PRSS23: variants seen among roughly 807,000 people sequenced by gnomAD.
The protein encoded by PRSS23 is protease, serine 23.
A neutral mutation model predicts 34.7 loss-of-function variants in PRSS23; 25 were observed. The ratio of observed to expected loss-of-function variants is 0.72; its 90% CI spans 0.53 to 1.01. PRSS23 has a LOEUF of 1.01. Among genes scored for constraint, PRSS23 ranks in the 50% least tolerant of loss-of-function variants. The pLI, the probability that PRSS23 is intolerant of heterozygous loss-of-function variation, is 0.00. For missense variants in PRSS23, 445 were observed against 475.6 expected, an observed-to-expected ratio of 0.94 and a Z score of 0.60; for synonymous variants, 176 against 186.6, an observed-to-expected ratio of 0.94 and a Z score of 0.46.
intron 2 of PRSS23, among the ~76,000 whole-genome samples, chr11:86,825,780 CAG>C (rs1948295273): frequency 6.6e-6 from 1 of 151,026 alleles, no homozygotes; most frequent in Non-Finnish European, 1.5e-5. Context: ...TGTCAAAGAT[CAG>C]ATAGTTGTAG....
At chr11:86,829,166 C>T (rs1247273080) in intron 2 of PRSS23, among the ~76,000 whole-genome samples, 1 of 152,182 alleles carries the variant, frequency 6.6e-6, no homozygotes, top group Non-Finnish European at 1.5e-5. Flanking sequence ...CACATAGTCC[C>T]ATATTTCTTG....
chr11:86,881,878 G>A (rs1398178777), intron 2 of PRSS23, among the ~76,000 whole-genome samples: 2 of 151,830 alleles, frequency 1.3e-5, no homozygotes, highest in African/African-American at 4.8e-5. Context: ...TAATTTTTTG[G>A]CATATATATT....
chr11:86,870,046 T>C (rs1948674517), intron 2 of PRSS23, among the ~76,000 whole-genome samples: 2 of 152,046 alleles, frequency 1.3e-5, no homozygotes, highest in African/African-American at 2.4e-5. Flanking sequence ...AGGGAAAAAA[T>C]GAACAACCAG....
At chr11:86,812,616 C>T (rs1001112518), downstream of PRSS23, among the ~76,000 whole-genome samples, 8 of 151,288 alleles carry the variant, frequency 5.3e-5, no homozygotes, top group South Asian at 6.3e-4. Context: ...GCTGAAACCC[C>T]GTCACTACTA....
intron 2 of PRSS23, among the ~76,000 whole-genome samples, chr11:86,825,310 C>G (rs1478796945): frequency 6.6e-6 from 1 of 152,010 alleles, no homozygotes; most frequent in East Asian, 1.9e-4. Context: ...GTCCTTGGCC[C>G]ACTTTTTGAT....
chr11:86,911,432 C>T (rs955277035), intron 2 of PRSS23: 5 of 152,178 alleles, frequency 3.3e-5, no homozygotes, highest in South Asian at 2.1e-4. Flanking sequence ...ACATAGTACC[C>T]CAAAACTTCC....
At chr11:86,858,513 T>C (rs150471109) in intron 2 of PRSS23, among the ~76,000 whole-genome samples, 1 of 151,898 alleles carries the variant, frequency 6.6e-6, no homozygotes, top group Admixed American at 6.6e-5. Flanking sequence ...CCTATGATAT[T>C]GTTCCTAATA....
Position 86,854,040 on chromosome 11 carries a change from G to A in PRSS23, c.206+30447G>A, listed in dbSNP as rs12281988. On this transcript the variant is annotated intron_variant, in intron 2 of 2. Coordinates refer to the PRSS23 transcript ENST00000533902. ...TTTTGAGTCGCAGTCTCACTCTGTC[G>A]CCCAGGCTGGAGTGCAGTGGCACGA... Among the ~76,000 whole-genome samples, 710 of 151,996 alleles carry A rather than the reference G, an allele frequency of 4.7e-3. 10 individuals carry two copies. The highest frequency in any genetic ancestry group is 0.017 in the African/African-American group (686 of 41,426).
chr11:86,952,289 T>C, exon 3 of PRSS23: 1 of 1,614,150 alleles, frequency 6.2e-7, no homozygotes, highest in Non-Finnish European at 8.5e-7. Context: ...CATGCACATG[T>C]GGTTGTGGTC....
intron 2 of PRSS23, among the ~76,000 whole-genome samples, chr11:86,853,242 CTTTTTT>C (rs561682096): frequency 1.7e-3 from 81 of 47,732 alleles, no homozygotes; most frequent in African/African-American, 5.6e-3. Flanking sequence ...AAGTGCCTGC[CTTTTTT>C]TTTTTTTTTT....
chr11:86,834,148 T>G (rs1440317041), intron 2 of PRSS23, among the ~76,000 whole-genome samples: 2 of 152,228 alleles, frequency 1.3e-5, no homozygotes, highest in African/African-American at 2.4e-5. Flanking sequence ...TTTGGCACAC[T>G]TCACAGGCCC....
chr11:86,865,917 C>T (rs756709473), intron 2 of PRSS23, among the ~76,000 whole-genome samples: 9 of 152,200 alleles, frequency 5.9e-5, no homozygotes, highest in Non-Finnish European at 1.2e-4. Flanking sequence ...CAGAAGTCCA[C>T]ATGCGATTAA....
intron 2 of PRSS23, among the ~76,000 whole-genome samples, chr11:86,826,523 C>T (rs1948302247): frequency 6.6e-6 from 1 of 152,152 alleles, no homozygotes; most frequent in African/African-American, 2.4e-5. Context: ...GAACTTCCAA[C>T]ACTATGTTGA....
chr11:86,916,251 C>T (rs892588216), intron 2 of PRSS23, among the ~76,000 whole-genome samples: 5 of 151,982 alleles, frequency 3.3e-5, no homozygotes, highest in South Asian at 4.1e-4. Context: ...CCCATAAACA[C>T]GAATTTTGGT....
At chr11:86,823,778 G>A (rs1465310333) in intron 2 of PRSS23, among the ~76,000 whole-genome samples, 3 of 151,974 alleles carry the variant, frequency 2.0e-5, no homozygotes, top group East Asian at 3.9e-4. Flanking sequence ...AGGCCGAGGC[G>A]GGCGGATCAC....
At chr11:86,795,523 A>G (rs556137300) in intron 1 of PRSS23, among the ~76,000 whole-genome samples, 1 of 152,402 alleles carries the variant, frequency 6.6e-6, no homozygotes, top group South Asian at 2.1e-4. Context: ...AAATTAAAAA[A>G]TGATGTGGAT....
At chr11:86,884,450 C>T (rs888309571) in intron 2 of PRSS23, among the ~76,000 whole-genome samples, 1 of 152,128 alleles carries the variant, frequency 6.6e-6, no homozygotes, top group Admixed American at 6.5e-5. Context: ...CAGGCACGTG[C>T]CACCAAACTC....
intron 2 of PRSS23, among the ~76,000 whole-genome samples, chr11:86,871,217 C>T (rs776250015): frequency 6.6e-6 from 1 of 152,088 alleles, no homozygotes; most frequent in Non-Finnish European, 1.5e-5. Context: ...TAGAGTTGCC[C>T]TTACTTCAGG....
At chr11:86,859,643 G>T (rs920047652) in intron 2 of PRSS23, among the ~76,000 whole-genome samples, 1 of 151,848 alleles carries the variant, frequency 6.6e-6, no homozygotes, top group African/African-American at 2.4e-5. Context: ...TTGTAATATT[G>T]TTCCTAGTAT....
Sources: gnomAD v4.1 joint callset for allele counts (sites outside exome capture counted in the v4.1 genomes callset) on GRCh38, gnomAD v4.1.1 for gene constraint, MANE v1.5 for transcripts, NCBI Gene and HGNC (gene_info 2026-07-23, HGNC 2026-07-21) for gene names.